The following PKD1L1 variants were observed in gnomAD, a reference collection of about 807,000 sequenced individuals.
The protein encoded by PKD1L1 is polycystin 1 like 1, transient receptor potential channel interacting.
Under a neutral mutation model 323.4 loss-of-function variants are expected in PKD1L1, and 236 were observed. That is an observed-to-expected ratio of 0.73 (90% CI 0.66 to 0.81). The LOEUF is 0.81. Among genes scored for constraint, PKD1L1 ranks in the 40% least tolerant of loss-of-function variants. The probability of loss-of-function intolerance (pLI) is 0.00; values close to 1 mark genes in which losing one functional copy is unlikely to be tolerated. For missense variants in PKD1L1, 3,320 were observed against 3,508.0 expected (o/e 0.95, Z 1.35); for synonymous variants, 1,344 against 1,335.0 (o/e 1.01, Z -0.15).
In PKD1L1 at chr7:47,800,781, G is replaced by A. The variant is rs138774842; in HGVS notation, c.8061C>T (p.Pro2687=). 285 of 1,614,040 alleles carry A rather than the reference G, an allele frequency of 1.8e-4. 2 individuals are homozygous for A. Among genetic ancestry groups the A allele is most frequent in the South Asian group, 8.2e-4 (75 of 91,070 alleles). Residue 2687 remains proline (P), a synonymous_variant, in exon 54 of 57, where the codon CCC becomes CCT. Coordinates refer to ENST00000289672, the MANE Select transcript of PKD1L1 (RefSeq NM_138295.5). ...TTCTGGGAAAATGAAACAGCAGCCC[G>A]GGGAAGGCGTCTGTGAAGGTGCCAG... The part of the protein sequence containing the change: ...LPPGTFTDAF[P]GLLFHFPRRS...
At chr7:47,821,752 A>G (rs1424944012) in intron 45 of PKD1L1, among the ~76,000 whole-genome samples, 5 of 150,470 alleles carry the variant, frequency 3.3e-5, no homozygotes, top group Non-Finnish European at 7.4e-5. Context: ...CAGTGGCACA[A>G]TCTCAGCTCA....
chr7:47,796,828 TAC>T (rs753141697), intron 54 of PKD1L1, among the ~76,000 whole-genome samples: 6 of 11,218 alleles, frequency 5.3e-4, no homozygotes, highest in Non-Finnish European at 9.4e-4. Context: ...TCTCCTAAAT[TAC>T]AAAAAAAAAA....
intron 49 of PKD1L1, 72 bp downstream of exon 49, chr7:47,813,049 C>T (rs773535404): frequency 3.4e-4 from 519 of 1,524,472 alleles, no homozygotes; most frequent in Non-Finnish European, 4.4e-4. Context: ...AGATGCGCTG[C>T]GTCCAGCAGG....
Position 47,836,985 on chromosome 7 carries a change from G to A in PKD1L1, c.5879C>T (p.Ser1960Phe). ...RYLHTPRLTV[S>F]FSLLCVYACL... ...CGCGTAGACGCACAGCAGGGAGAAG[G>A]ACACGGTGAGGCGCGGCGTGTGCAG... Residue 1960 changes from serine to phenylalanine, a missense_variant, in exon 37 of 57, where the codon TCC (serine) becomes TTC (phenylalanine). Transcript: ENST00000289672. The A allele has an allele frequency of 9.3e-6, 15 of 1,614,224 alleles. No homozygotes were observed. Among genetic ancestry groups the A allele is most frequent in the Non-Finnish European group, 1.3e-5 (15 of 1,180,038 alleles).
intron 12 of PKD1L1, among the ~76,000 whole-genome samples, chr7:47,903,990 G>A (rs967856715): frequency 2.0e-5 from 3 of 152,064 alleles, no homozygotes; most frequent in South Asian, 2.1e-4. Flanking sequence ...TTCTATATAC[G>A]TCTTGCCAGT....
rs369745458 is a variant in PKD1L1, at chr7:47,914,327, C to T, written c.1228+1105G>A. The stretch of plus-strand genomic sequence containing the variant: ...CAATAAAGACAAAAATCACTAAACT[C>T]ACATATCTCAAATAAGAATGATCAG... On this transcript the variant is annotated intron_variant, in intron 8 of 56. Transcript: ENST00000289672. 2.4e-4 allele frequency among the ~76,000 whole-genome samples: 36 copies of T among 152,296 alleles called. 1 individual carries two copies. Among genetic ancestry groups the T allele is most frequent in the African/African-American group, 7.9e-4 (33 of 41,548 alleles).
intron 49 of PKD1L1, 44 bp from the exon 50 acceptor site, chr7:47,812,095 G>A (rs1784911923): frequency 6.7e-7 from 1 of 1,500,374 alleles, no homozygotes; most frequent in South Asian, 1.2e-5. Flanking sequence ...CAGGGAGAAA[G>A]GCACAGAAGT....
intron 3 of PKD1L1, among the ~76,000 whole-genome samples, chr7:47,939,086 C>G (rs1037602667): frequency 1.8e-4 from 28 of 152,154 alleles, no homozygotes; most frequent in Middle Eastern, 3.2e-3. Context: ...CCCTCTAAAA[C>G]ACCTCTCCCC....
chr7:47,797,102 A>G (rs1205330390), intron 54 of PKD1L1, among the ~76,000 whole-genome samples: 1 of 152,010 alleles, frequency 6.6e-6, no homozygotes, highest in African/African-American at 2.4e-5. Flanking sequence ...ACCCACTGAT[A>G]ATGTTATAAG....
At chr7:47,822,124 T>C (rs1436711134) in intron 45 of PKD1L1, among the ~76,000 whole-genome samples, 1 of 152,228 alleles carries the variant, frequency 6.6e-6, no homozygotes, top group South Asian at 2.1e-4. Flanking sequence ...CGTGTCTATC[T>C]GTCCCCAAAT....
Position 47,897,853 on chromosome 7 carries a change from AT to A in PKD1L1, c.2271+134del, listed in dbSNP as rs35976264. 0.44 allele frequency: 233,325 copies of A among 533,726 alleles called. 26,051 individuals are homozygous for A. Among genetic ancestry groups the A allele is most frequent in the African/African-American group, 0.57 (29,224 of 51,224 alleles). The allele number at this position is 533,726 out of a possible 1,614,324, so 33.1% of individuals were successfully genotyped here. On this transcript the variant is annotated intron_variant, in intron 14 of 56. Coordinates refer to ENST00000289672, the MANE Select transcript of PKD1L1 (RefSeq NM_138295.5). The stretch of plus-strand genomic sequence containing the variant: ...ACATTTCTCTTAAAATCCAATGCAG[AT>A]TTTTTTTTTTTTAAACAACCTCCCT...
At chr7:47,808,108 T>C in intron 52 of PKD1L1, 139 bp downstream of exon 52, 5 of 1,102,956 alleles carry the variant, frequency 4.5e-6, no homozygotes, top group South Asian at 1.6e-5. Context: ...GCCACTCCCA[T>C]CTGCCAGCTC....
intron 7 of PKD1L1, among the ~76,000 whole-genome samples, chr7:47,918,016 T>A (rs538476283): frequency 1.3e-5 from 2 of 152,264 alleles, no homozygotes; most frequent in African/African-American, 4.8e-5. Flanking sequence ...ATGACCTAAA[T>A]GCTCCACTTA....
rs566158649 is a variant in PKD1L1, at chr7:47,855,107, C to T, written c.4701+48G>A. The T allele has an allele frequency of 3.2e-5, 51 of 1,608,410 alleles. No homozygotes were observed. In the South Asian group the frequency reaches 5.0e-4, roughly 16 times the overall value. ...GTAAAATAAACACATTAAAAATCAG[C>T]CAGCACAGCCTAAATGAAGTAGAGA... is the stretch of plus-strand genomic sequence containing the variant. On this transcript the variant is annotated intron_variant, in intron 29 of 56. Coordinates refer to ENST00000289672, the MANE Select transcript of PKD1L1 (RefSeq NM_138295.5).
chr7:47,897,138 T>G (rs141108286), intron 14 of PKD1L1, among the ~76,000 whole-genome samples: 1,943 of 152,320 alleles, frequency 0.013, 35 homozygotes, highest in African/African-American at 0.045. Context: ...TTGCCATCGC[T>G]GTGACATCCC....
At chr7:47,788,561 T>TTATATATA (rs143159052) in intron 56 of PKD1L1, among the ~76,000 whole-genome samples, 6,763 of 132,972 alleles carry the variant, frequency 0.051, 274 homozygotes, top group Non-Finnish European at 0.072. Flanking sequence ...CCCAGCCCAG[T>TTATATATA]TATATATATA....
intron 46 of PKD1L1, chr7:47,819,420 A>G (rs1785092155): frequency 3.0e-6 from 2 of 672,146 alleles, no homozygotes; most frequent in Middle Eastern, 3.1e-4. Flanking sequence ...GTGAGATGAA[A>G]AATAAACTAG....
chr7:47,885,887 T>C lies in PKD1L1; in HGVS notation c.3004A>G (p.Thr1002Ala). The change falls in exon 18 of 57, where the codon ACT becomes GCT. Residue 1002 changes from threonine (T) to alanine (A), a missense_variant. Coordinates refer to ENST00000289672, the MANE Select transcript of PKD1L1 (RefSeq NM_138295.5). ...PSPVTLGQPATSAPRGTPTEP... is the reference protein window; with the variant it reads ...PSPVTLGQPAASAPRGTPTEP... Reference sequence around the variant, plus strand: ...GTGGGGGTTCCCCTTGGAGCTGAAGTGGCAGGTTGGCCAAGGGTCACGGGT... The same window carrying C: ...GTGGGGGTTCCCCTTGGAGCTGAAGCGGCAGGTTGGCCAAGGGTCACGGGT... The C allele has an allele frequency of 6.2e-7, 1 of 1,614,078 alleles. No individual in the cohort carries two copies. Among genetic ancestry groups the C allele is most frequent in the Non-Finnish European group, 8.5e-7 (1 of 1,180,020 alleles).
intron 26 of PKD1L1, among the ~76,000 whole-genome samples, chr7:47,861,363 T>A: frequency 6.6e-6 from 1 of 152,232 alleles, no homozygotes; most frequent in South Asian, 2.1e-4. Context: ...CCTTCAGACC[T>A]TTGTGAAGAT....
Sources: gnomAD v4.1 joint callset for allele counts (sites outside exome capture counted in the v4.1 genomes callset) on GRCh38, gnomAD v4.1.1 for gene constraint, MANE v1.5 for transcripts, NCBI Gene and HGNC (gene_info 2026-07-23, HGNC 2026-07-21) for gene names.